TNKS1BP1: variants seen among roughly 807,000 people sequenced by gnomAD.
TNKS1BP1 encodes the protein 182 kDa tankyrase-1-binding protein.
A neutral mutation model predicts 141.1 loss-of-function variants in TNKS1BP1; 48 were observed. The observed-to-expected ratio is 0.34, with a 90% CI of 0.27 to 0.43. The LOEUF (loss-of-function observed/expected upper bound fraction) is 0.43, where lower values mean the gene tolerates loss of function less well. TNKS1BP1 is among the 20% of genes least tolerant of loss of function. The pLI is 1.00. For synonymous variants in TNKS1BP1, 875 were observed against 898.2 expected (o/e 0.97, Z 0.46); for missense variants, 2,149 against 2,226.0 (o/e 0.97, Z 0.70).
At chr11:57,323,428 C>A (rs913035316) in intron 1 of TNKS1BP1, among the ~76,000 whole-genome samples, 5 of 152,164 alleles carry the variant, frequency 3.3e-5, no homozygotes, top group Non-Finnish European at 7.3e-5. Context: ...TATGCAGAGC[C>A]CTGAGGACAA....
At position 57,309,683 on chromosome 11, in the gene TNKS1BP1, C is replaced by G. The variant is rs1445518213; in HGVS notation, c.3028G>C (p.Gly1010Arg). ...KKIPSVEDSL[G>R]EGSRDAGRPG... ...CGGCCAGCATCCCTGCTGCCCTCTC[C>G]AAGGCTGTCTTCCACACTTGGAATC... Residue 1010 changes from glycine (G) to arginine (R), a missense_variant, in exon 6 of 12, where the codon GGA (glycine) becomes CGA (arginine). Coordinates refer to ENST00000358252, the MANE Select transcript of TNKS1BP1 (RefSeq NM_033396.3). This position sits in a 1 kb window ranked among gnomAD's most constrained non-coding sequence, Gnocchi z 4.3. 1 of 1,614,140 alleles carries G rather than the reference C, an allele frequency of 6.2e-7. No individual in the cohort carries two copies. The highest frequency in any genetic ancestry group is 1.3e-5 in the African/African-American group (1 of 74,946).
In TNKS1BP1 at chr11:57,320,692, G is replaced by C; in HGVS notation, c.115C>G (p.Pro39Ala). 6.2e-7 allele frequency: 1 copy of C among 1,601,504 alleles called. No individual in the cohort carries two copies. Among genetic ancestry groups the C allele is most frequent in the Non-Finnish European group, 8.5e-7 (1 of 1,174,040 alleles). The change falls in exon 3 of 12, where the codon CCT becomes GCT. Residue 39 changes from proline to alanine, a missense_variant. Coordinates refer to ENST00000358252, the MANE Select transcript of TNKS1BP1 (RefSeq NM_033396.3). Reference protein sequence around the residue: ...SEPGDTRAKPPVKPKPRALPA... With the variant: ...SEPGDTRAKPAVKPKPRALPA... Reference sequence around the variant, plus strand: ...AGGGCCCGGGGTTTGGGCTTGACAGGGGGTTTGGCCCGAGTGTCACCTACC... The same window carrying C: ...AGGGCCCGGGGTTTGGGCTTGACAGCGGGTTTGGCCCGAGTGTCACCTACC...
At position 57,309,146 on chromosome 11, in the gene TNKS1BP1, C is replaced by A; in HGVS notation, c.3565G>T (p.Val1189Leu). The A allele has an allele frequency of 6.2e-7, 1 of 1,614,186 alleles. No individual in the cohort carries two copies. Among genetic ancestry groups the A allele is most frequent in the Non-Finnish European group, 8.5e-7 (1 of 1,180,032 alleles). Residue 1189 changes from valine (V) to leucine (L), a missense_variant, in exon 6 of 12, where the codon GTG (valine) becomes TTG (leucine). Coordinates refer to ENST00000358252, the MANE Select transcript of TNKS1BP1 (RefSeq NM_033396.3). This position sits in a 1 kb window ranked among gnomAD's most constrained non-coding sequence, Gnocchi z 4.3. The part of the protein sequence containing the change: ...GGSSEARESA[V>L]GQMGWSGGLS... ...CCACCTGACCAGCCCATCTGTCCCA[C>A]GGCACTCTCCCTGGCCTCGCTCGAG...
rs779930783 is a variant in TNKS1BP1, at chr11:57,308,634, T to A, written c.4077A>T (p.Pro1359=). Residue 1359 remains proline (P), a synonymous_variant, in exon 6 of 12, where the codon CCA becomes CCT. Transcript: ENST00000358252. The part of the protein sequence containing the change: ...APQNVELFGA[P]SEAREHGVGG... ...CCACCCCATGCTCCCTGGCTTCACT[T>A]GGAGCCCCAAAGAGCTCCACATTCT... 17 of 1,613,484 alleles carry A rather than the reference T, an allele frequency of 1.1e-5. No individual in the cohort carries two copies. The South Asian group carries it at 1.9e-4, about 18-fold the overall frequency.
At position 57,309,520 on chromosome 11, in the gene TNKS1BP1, T is replaced by C; in HGVS notation, c.3191A>G (p.Gln1064Arg). 6.2e-7 allele frequency: 1 copy of C among 1,613,704 alleles called. No individual in the cohort carries two copies. Among genetic ancestry groups the C allele is most frequent in the Non-Finnish European group, 8.5e-7 (1 of 1,180,020 alleles). ...SQEVGGHQER[Q>R]QAGAQGPGSA... Reference sequence around the variant, plus strand: ...GCCAGGGCCCTGAGCCCCTGCCTGCTGTCTCTCCTGATGCCCTCCCACCTC... The same window carrying C: ...GCCAGGGCCCTGAGCCCCTGCCTGCCGTCTCTCCTGATGCCCTCCCACCTC... The change falls in exon 6 of 12, where the codon CAG (glutamine) becomes CGG (arginine). Residue 1064 changes from glutamine to arginine, a missense_variant. By Grantham distance (43) the Gln-to-Arg change is conservative. Transcript: ENST00000358252. The surrounding 1 kb of genome is among the most constrained non-coding windows in gnomAD (Gnocchi z 4.3).
In TNKS1BP1 at chr11:57,313,132, C is replaced by A; in HGVS notation, c.1556G>T (p.Ser519Ile). The change falls in exon 5 of 12, where the codon AGC becomes ATC. Residue 519 changes from serine to isoleucine, a missense_variant. Transcript: ENST00000358252. ...AAEAGNLAVS[S>I]REEGVSQQGQ... ...CTGCTGAGACACTCCTTCTTCCCTG[C>A]TGGAAACGGCCAAGTTGCCAGCCTC... 6.2e-7 allele frequency: 1 copy of A among 1,613,162 alleles called. No homozygotes were observed.
rs753594699 is a variant in TNKS1BP1, at chr11:57,308,839, G to C, written c.3872C>G (p.Ala1291Gly). The change falls in exon 6 of 12, where the codon GCC (alanine) becomes GGC (glycine). Residue 1291 changes from alanine (A) to glycine (G), a missense_variant. Physicochemically the swap from Ala to Gly is moderately conservative, Grantham distance 60. Transcript: ENST00000358252. Reference sequence around the variant, plus strand: ...TCCAGGACTGCAGACTGCCCCTGGGGCCATGTTTCTCAGCCCAAGGTCAGG... The same window carrying C: ...TCCAGGACTGCAGACTGCCCCTGGGCCCATGTTTCTCAGCCCAAGGTCAGG... ...WTPDLGLRNM[A>G]PGAVCSPGES... 2.0e-5 allele frequency: 32 copies of C among 1,614,042 alleles called. No individual in the cohort carries two copies. Among genetic ancestry groups the C allele is most frequent in the Non-Finnish European group, 2.7e-5 (32 of 1,180,016 alleles).
Position 57,309,403 on chromosome 11 carries a change from C to A in TNKS1BP1, c.3308G>T (p.Ser1103Ile). ...CCGGCTCCAGTCCTGCTGCCCTGGG[C>A]TAAATGCTGCCTCTCGCTGGGGGCC... ...SVGPQREAAF[S>I]PGQQDWSRDF... Residue 1103 changes from serine (S) to isoleucine (I), a missense_variant, in exon 6 of 12, where the codon AGC becomes ATC. Transcript: ENST00000358252. The surrounding 1 kb of genome is among the most constrained non-coding windows in gnomAD (Gnocchi z 4.3). 3 of 1,614,156 alleles carry A rather than the reference C, an allele frequency of 1.9e-6. No homozygotes were observed. Among genetic ancestry groups the A allele is most frequent in the Non-Finnish European group, 2.5e-6 (3 of 1,180,028 alleles).
rs1263196038 is a variant in TNKS1BP1 at position 57,313,456 on chromosome 11, T to G, written c.1232A>C (p.Glu411Ala). The G allele has an allele frequency of 6.3e-7, 1 of 1,595,592 alleles. No homozygotes were observed. Among genetic ancestry groups the G allele is most frequent in the South Asian group, 1.1e-5 (1 of 89,018 alleles). ...GCGGAGGTGTGCGTCACCCTTGGCC[T>G]CCTCCTCCCCGCCAGATGGAAACGT... ...TRTFPSGGEE[E>A]AKGDAHLRPT... Residue 411 changes from glutamate (E) to alanine (A), a missense_variant, in exon 5 of 12, where the codon GAG (glutamate) becomes GCG (alanine). Coordinates refer to ENST00000358252, the MANE Select transcript of TNKS1BP1 (RefSeq NM_033396.3).
chr11:57,323,276 G>C lies in TNKS1BP1; in HGVS notation c.-65-1326C>G, dbSNP rs7111087. Among the ~76,000 whole-genome samples the C allele has an allele frequency of 9.5e-3, 1,446 of 152,098 alleles. 18 individuals are homozygous for C. The highest frequency in any genetic ancestry group is 0.033 in the African/African-American group (1,387 of 41,442). On this transcript the variant is annotated intron_variant, in intron 1 of 11. Transcript: ENST00000358252. ...CTTCACTCTCCCAGGCCCTAGTCCT[G>C]TCACCTGTTCTTCAGATACTCCAAC...
In TNKS1BP1 at chr11:57,310,123, T is replaced by G. The variant is rs761070527; in HGVS notation, c.2588A>C (p.Gln863Pro). ...ATCTCTCTTTCCGAATTCCTGGTCC[T>G]GGAGTTCTGCATCCCGGCTGGAGTA... is the stretch of plus-strand genomic sequence containing the variant. ...GTYSSRDAEL[Q>P]DQEFGKRDSL... Residue 863 changes from glutamine (Q) to proline (P), a missense_variant, in exon 6 of 12, where the codon CAG becomes CCG. Coordinates refer to ENST00000358252, the MANE Select transcript of TNKS1BP1 (RefSeq NM_033396.3). 26 of 1,614,088 alleles carry G rather than the reference T, an allele frequency of 1.6e-5. No individual in the cohort carries two copies. The highest frequency in any genetic ancestry group is 2.1e-5 in the Non-Finnish European group (25 of 1,180,048).
chr11:57,313,830 G>A lies in TNKS1BP1; in HGVS notation c.858C>T (p.Ala286=), dbSNP rs762808075. The A allele has an allele frequency of 6.5e-7, 1 of 1,536,960 alleles. No homozygotes were observed. Among genetic ancestry groups the A allele is most frequent in the South Asian group, 1.3e-5 (1 of 76,562 alleles). Residue 286 remains alanine (A), a synonymous_variant, in exon 5 of 12, where the codon GCC becomes GCT. Coordinates refer to ENST00000358252, the MANE Select transcript of TNKS1BP1 (RefSeq NM_033396.3). ...PAPSSENGGP[A]SPGLPAEASG... ...AGGCTTCTGCGGGGAGGCCTGGGCT[G>A]GCAGGGCCTCCATTCTCTGAGGAGG...
rs562548580 is a variant in TNKS1BP1 at position 57,299,917 on chromosome 11, G to T, written c.*177C>A. ...ATCCAGGGAAGGGAAGGTGTGGGGGGAGTTCGGAGGGTGATACAAAGTGCA... is the reference window on the plus strand; with the variant it reads ...ATCCAGGGAAGGGAAGGTGTGGGGGTAGTTCGGAGGGTGATACAAAGTGCA... On this transcript the variant is annotated 3_prime_UTR_variant, in exon 12 of 12. Transcript: ENST00000358252. The T allele has an allele frequency of 1.2e-4, 18 of 154,842 alleles. No homozygotes were observed. The highest frequency in any genetic ancestry group is 5.3e-4 in the Middle Eastern group (1 of 1,886). 9.6% of individuals were successfully genotyped at this position (154,842 alleles called of 1,614,324 possible).
chr11:57,305,744 T>C (rs972411048), intron 6 of TNKS1BP1, among the ~76,000 whole-genome samples: 4 of 152,046 alleles, frequency 2.6e-5, no homozygotes, highest in Non-Finnish European at 1.5e-5. Context: ...TCAGTTTCCC[T>C]AGTTTTTGTG....
chr11:57,302,507 G>C lies in TNKS1BP1; in HGVS notation c.4635C>G (p.Ser1545=), dbSNP rs1855540939. 2 of 1,611,046 alleles carry C rather than the reference G, an allele frequency of 1.2e-6. No homozygotes were observed. Among genetic ancestry groups the C allele is most frequent in the Non-Finnish European group, 1.7e-6 (2 of 1,178,400 alleles). Residue 1545 remains serine, a synonymous_variant, in exon 7 of 12, where the codon TCC becomes TCG. Transcript: ENST00000358252. The surrounding 1 kb of genome is among the most constrained non-coding windows in gnomAD (Gnocchi z 5.5). ...TGGGGGATCTGGCAGGAGGGCCTTG[G>C]GAGGGTCGCCGAGAAGTCTGTGCTG... is the stretch of plus-strand genomic sequence containing the variant. ...QGPAQTSRRP[S]QGPPARSPSQ... is the part of the protein sequence containing the mutation.
chr11:57,322,392 T>G, intron 1 of TNKS1BP1: 1 of 872,014 alleles, frequency 1.1e-6, no homozygotes, highest in Non-Finnish European at 1.4e-6. Flanking sequence ...CCCCACTGCC[T>G]GCCTCCCCCT....
chr11:57,313,940 G>T, intron 4 of TNKS1BP1, 51 bp from the exon 5 acceptor site: 1 of 1,432,508 alleles, frequency 7.0e-7, no homozygotes, highest in East Asian at 2.6e-5. Flanking sequence ...CAGCGGGGCG[G>T]GGAGGGTCCC....
rs781054553 is a variant in TNKS1BP1 at position 57,305,635 on chromosome 11, TGCCCAGAGAAGACTGCACGGCTTGG to T, written c.4316+2735_4316+2759del. ...CTTGACCCCAGAGAGACAGGGAGGGTGCCCAGAGAAGACTGCACGGCTTGGGCCCAGGGAGACAAGAAGAACCCAC... is the reference window on the plus strand; with the variant it reads ...CTTGACCCCAGAGAGACAGGGAGGGTGCCCAGGGAGACAAGAAGAACCCAC... On this transcript the variant is annotated intron_variant, in intron 6 of 11. Coordinates refer to ENST00000358252, the MANE Select transcript of TNKS1BP1 (RefSeq NM_033396.3). 2.7e-3 allele frequency among the ~76,000 whole-genome samples: 412 copies of T among 151,542 alleles called. 1 individual carries two copies. The highest frequency in any genetic ancestry group is 4.4e-3 in the Non-Finnish European group (296 of 67,860).
chr11:57,311,535 G>A lies in TNKS1BP1; in HGVS notation c.2155-979C>T, dbSNP rs972410804. 16 of 902,056 alleles carry A rather than the reference G, an allele frequency of 1.8e-5. No homozygotes were observed. In the African/African-American group the frequency reaches 2.7e-4, roughly 15 times the overall value. 55.9% of individuals were successfully genotyped at this position (902,056 alleles called of 1,614,324 possible). On this transcript the variant is annotated intron_variant, in intron 5 of 11. Transcript: ENST00000358252. ...CTGCAGCTTGGGCAGCCCCGCCCAGGAGCCAGTTGAGTCACCCACATCCCG... is the reference window on the plus strand; with the variant it reads ...CTGCAGCTTGGGCAGCCCCGCCCAGAAGCCAGTTGAGTCACCCACATCCCG...
Sources: allele counts gnomAD v4.1 joint callset (sites outside exome capture counted in the v4.1 genomes callset), GRCh38; gene constraint gnomAD v4.1.1; non-coding constraint Gnocchi (gnomAD v3.1); transcripts MANE v1.5; gene names NCBI Gene and HGNC (gene_info 2026-07-23, HGNC 2026-07-21).